OR52N2: variants seen among roughly 807,000 people sequenced by gnomAD.
OR52N2 encodes olfactory receptor family 52 subfamily N member 2, also known as olfactory receptor 52N2.
For synonymous variants in OR52N2, 129 were observed against 72.0 expected, an observed-to-expected ratio of 1.79 and a Z score of -4.01; for missense variants, 326 against 196.6, an observed-to-expected ratio of 1.66 and a Z score of -3.94.
rs4758435 is a variant in OR52N2, at chr11:5,820,626, C to T, written c.291C>T (p.Asn97=). ...TCAACCTCAAGGAGATTGACTTTAACGCCTGCCTGGCCCAGATGTTTTTTG... is the reference window on the plus strand; with the variant it reads ...TCAACCTCAAGGAGATTGACTTTAATGCCTGCCTGGCCCAGATGTTTTTTG... ...FWFNLKEIDF[N]ACLAQMFFVH... Residue 97 remains asparagine, a synonymous_variant, in exon 2 of 2, where the codon AAC becomes AAT. Transcript: ENST00000317037. The T allele has an allele frequency of 0.78, 612,202 of 783,770 alleles. 240,509 individuals are homozygous for T. Among genetic ancestry groups the T allele is most frequent in the Non-Finnish European group, 0.81 (340,871 of 420,934 alleles). 48.6% of individuals were successfully genotyped at this position (783,770 alleles called of 1,614,324 possible).
At chr11:5,813,654 A>C (rs1846380753) in intron 1 of OR52N2, among the ~76,000 whole-genome samples, 2 of 152,196 alleles carry the variant, frequency 1.3e-5, no homozygotes, top group African/African-American at 4.8e-5. Context: ...AGTGAAAGAG[A>C]AGGGAATACT....
chr11:5,817,899 G>T (rs1259079447), intron 1 of OR52N2, among the ~76,000 whole-genome samples: 2 of 151,992 alleles, frequency 1.3e-5, no homozygotes, highest in Non-Finnish European at 2.9e-5. Flanking sequence ...GATTAAATTT[G>T]GTACAGCTAT....
At chr11:5,818,767 A>G (rs1007772061) in intron 1 of OR52N2, among the ~76,000 whole-genome samples, 1 of 152,132 alleles carries the variant, frequency 6.6e-6, no homozygotes, top group Non-Finnish European at 1.5e-5. Flanking sequence ...ATTCATTTCA[A>G]TGTGGTGTAC....
chr11:5,819,195 A>G (rs1846426973), intron 1 of OR52N2, among the ~76,000 whole-genome samples: 1 of 148,640 alleles, frequency 6.7e-6, no homozygotes, highest in Non-Finnish European at 1.5e-5. Flanking sequence ...CTTAAGGATT[A>G]GGGTTTTATT....
At chr11:5,813,660 A>G (rs1846380784) in intron 1 of OR52N2, among the ~76,000 whole-genome samples, 1 of 152,198 alleles carries the variant, frequency 6.6e-6, no homozygotes, top group African/African-American at 2.4e-5. Context: ...AGAGAAGGGA[A>G]TACTTCCAAA....
At position 5,820,561 on chromosome 11, in the gene OR52N2, T is replaced by A; in HGVS notation, c.226T>A (p.Cys76Ser). The A allele has an allele frequency of 1.3e-6, 1 of 780,790 alleles. No individual in the cohort carries two copies. Among genetic ancestry groups the A allele is most frequent in the Non-Finnish European group, 2.4e-6 (1 of 418,076 alleles). 48.4% of individuals were successfully genotyped at this position (780,790 alleles called of 1,614,324 possible). The change falls in exon 2 of 2, where the codon TGC (cysteine) becomes AGC (serine). Residue 76 changes from cysteine (C) to serine (S), a missense_variant. Coordinates refer to ENST00000317037, the MANE Select transcript of OR52N2 (RefSeq NM_001005174.3). ...GCTCTCCTTCACTGATGTCACCTTG[T>A]GCACCACCATGGTACCTAATATGCT... The part of the protein sequence containing the change: ...ALLSFTDVTL[C>S]TTMVPNMLCI...
intron 1 of OR52N2, among the ~76,000 whole-genome samples, chr11:5,819,893 AC>A (rs1162203155): frequency 6.6e-6 from 1 of 152,204 alleles, no homozygotes; most frequent in African/African-American, 2.4e-5. Flanking sequence ...CTGTAATTAT[AC>A]CCATGTGATT....
chr11:5,820,571 T>C lies in OR52N2; in HGVS notation c.236T>C (p.Met79Thr), dbSNP rs1846439990. Residue 79 changes from methionine (M) to threonine (T), a missense_variant, in exon 2 of 2, where the codon ATG becomes ACG. By Grantham distance (81) the Met-to-Thr change is moderately conservative. Coordinates refer to ENST00000317037, the MANE Select transcript of OR52N2 (RefSeq NM_001005174.3). ...SFTDVTLCTT[M>T]VPNMLCIFWF... is the part of the protein sequence containing the mutation. The stretch of plus-strand genomic sequence containing the variant: ...ACTGATGTCACCTTGTGCACCACCA[T>C]GGTACCTAATATGCTGTGCATATTC... 2 of 781,152 alleles carry C rather than the reference T, an allele frequency of 2.6e-6. No homozygotes were observed. The highest frequency in any genetic ancestry group is 4.8e-6 in the Non-Finnish European group (2 of 418,322). The allele number at this position is 781,152 out of a possible 1,614,324, so 48.4% of individuals were successfully genotyped here.
chr11:5,809,501 T>A (rs72896127), intron 1 of OR52N2, among the ~76,000 whole-genome samples: 4,572 of 152,214 alleles, frequency 0.03, 137 homozygotes, highest in East Asian at 0.086. Context: ...AGATGTGAGT[T>A]ATTGATTAGA....
intron 1 of OR52N2, among the ~76,000 whole-genome samples, chr11:5,813,941 C>A (rs1846382791): frequency 6.6e-6 from 1 of 152,084 alleles, no homozygotes; most frequent in African/African-American, 2.4e-5. Context: ...TCAATAAATG[C>A]AGAAAAAGCA....
chr11:5,820,081 G>C (rs1400251114), intron 1 of OR52N2, among the ~76,000 whole-genome samples: 4 of 152,176 alleles, frequency 2.6e-5, no homozygotes, highest in Non-Finnish European at 5.9e-5. Flanking sequence ...GTTAATCAAA[G>C]TTTGCAATGG....
chr11:5,813,412 A>G (rs554292088), intron 1 of OR52N2, among the ~76,000 whole-genome samples: 1 of 152,304 alleles, frequency 6.6e-6, no homozygotes, highest in Admixed American at 6.5e-5. Flanking sequence ...CAACTTACAG[A>G]AAGTCAATAA....
rs1846439938 is a variant in OR52N2 at position 5,820,566 on chromosome 11, C to T, written c.231C>T (p.Thr77=). ...CCTTCACTGATGTCACCTTGTGCACCACCATGGTACCTAATATGCTGTGCA... is the reference window on the plus strand; with the variant it reads ...CCTTCACTGATGTCACCTTGTGCACTACCATGGTACCTAATATGCTGTGCA... ...LLSFTDVTLC[T]TMVPNMLCIF... The change falls in exon 2 of 2, where the codon ACC becomes ACT. Residue 77 remains threonine (T), a synonymous_variant. Transcript: ENST00000317037. 1.3e-6 allele frequency: 1 copy of T among 780,744 alleles called. No individual in the cohort carries two copies. The highest frequency in any genetic ancestry group is 2.4e-6 in the Non-Finnish European group (1 of 418,168). The allele number at this position is 780,744 out of a possible 1,614,324, so 48.4% of individuals were successfully genotyped here.
intron 1 of OR52N2, among the ~76,000 whole-genome samples, chr11:5,809,458 C>A (rs749674775): frequency 6.6e-6 from 1 of 151,988 alleles, no homozygotes; most frequent in African/African-American, 2.4e-5. Flanking sequence ...GTGCAGTTTC[C>A]GGGGAACAAT....
At chr11:5,813,704 C>T (rs4758427) in intron 1 of OR52N2, among the ~76,000 whole-genome samples, 37,850 of 151,894 alleles carry the variant, frequency 0.25, 4,713 homozygotes, top group Middle Eastern at 0.31. Context: ...CATTGACATC[C>T]GCCAGACAAG....
At chr11:5,812,651 T>C (rs1346129656) in intron 1 of OR52N2, among the ~76,000 whole-genome samples, 2 of 151,766 alleles carry the variant, frequency 1.3e-5, no homozygotes, top group Non-Finnish European at 2.9e-5. Context: ...AAGAAAATAT[T>C]AATAGAGCTG....
At chr11:5,812,330 T>TA (rs35399957) in intron 1 of OR52N2, among the ~76,000 whole-genome samples, 16,596 of 138,966 alleles carry the variant, frequency 0.12, 1,680 homozygotes, top group East Asian at 0.25. Context: ...CTGTATCTAC[T>TA]AAAAAATACA....
chr11:5,819,675 T>C (rs1240963546), intron 1 of OR52N2, among the ~76,000 whole-genome samples: 3 of 152,310 alleles, frequency 2.0e-5, no homozygotes, highest in East Asian at 3.9e-4. Context: ...ACATACCAAA[T>C]TCTTAACTCA....
At chr11:5,810,766 G>A (rs2134239690) in intron 1 of OR52N2, among the ~76,000 whole-genome samples, 1 of 150,534 alleles carries the variant, frequency 6.6e-6, no homozygotes, top group Admixed American at 6.7e-5. Flanking sequence ...TGAGTTTATA[G>A]TACACAATCT....
Sources: gnomAD v4.1 joint callset for allele counts (sites outside exome capture counted in the v4.1 genomes callset) on GRCh38, gnomAD v4.1.1 for gene constraint, MANE v1.5 for transcripts, NCBI Gene and HGNC (gene_info 2026-07-23, HGNC 2026-07-21) for gene names.